The following PIGK variants were observed in gnomAD, a reference collection of about 807,000 sequenced individuals.
PIGK encodes the protein phosphatidylinositol glycan anchor biosynthesis class K.
Under a neutral mutation model 50.6 loss-of-function variants are expected in PIGK, and 42 were observed. The observed-to-expected ratio is 0.83, with a 90% confidence interval of 0.65 to 1.07. The LOEUF (loss-of-function observed/expected upper bound fraction) is 1.07. Among genes scored for constraint, PIGK ranks in the 50% least tolerant of loss-of-function variants. The pLI is 0.00. For synonymous variants in PIGK, 151 were observed against 156.0 expected, an observed-to-expected ratio of 0.97 and a Z score of 0.24; for missense variants, 448 against 488.7, an observed-to-expected ratio of 0.92 and a Z score of 0.78.
chr1:77,175,164 T>A (rs1198506718), intron 3 of PIGK, among the ~76,000 whole-genome samples: 1 of 152,214 alleles, frequency 6.6e-6, no homozygotes, highest in African/African-American at 2.4e-5. Context: ...GCTAAATGCT[T>A]TAAGGTCATA....
intron 3 of PIGK, among the ~76,000 whole-genome samples, chr1:77,181,185 T>G (rs79542389): frequency 0.041 from 6,311 of 152,190 alleles, 195 homozygotes; most frequent in Non-Finnish European, 0.054. Context: ...AATTTCCCAT[T>G]ATTATGTTGC....
At chr1:77,185,356 C>G (rs1247437109) in intron 3 of PIGK, among the ~76,000 whole-genome samples, 1 of 152,170 alleles carries the variant, frequency 6.6e-6, no homozygotes, top group Non-Finnish European at 1.5e-5. Context: ...ATCCAGTGAG[C>G]AAGAACTGGC....
At position 77,189,445 on chromosome 1, in the gene PIGK, A is replaced by G. The variant is rs12143371; in HGVS notation, c.239+17195T>C. 3.7e-3 allele frequency among the ~76,000 whole-genome samples: 567 copies of G among 152,124 alleles called. 5 individuals carry two copies. The highest frequency in any genetic ancestry group is 0.013 in the African/African-American group (537 of 41,482). ...TCAGTGGGCTAGGAAAGGCAGACCC[A>G]CCTTTAACCTGGGTTAGTACCATCT... On this transcript the variant is annotated intron_variant, in intron 3 of 10. Transcript: ENST00000370812.
chr1:77,148,629 G>A (rs1304379968), intron 9 of PIGK, among the ~76,000 whole-genome samples: 1 of 151,882 alleles, frequency 6.6e-6, no homozygotes, highest in Non-Finnish European at 1.5e-5. Context: ...CGGGGGAGAG[G>A]GAGTTAATGT....
intron 9 of PIGK, among the ~76,000 whole-genome samples, chr1:77,149,384 C>T (rs1052945077): frequency 5.9e-5 from 9 of 151,398 alleles, no homozygotes; most frequent in Admixed American, 4.6e-4. Flanking sequence ...AAGATACAGA[C>T]AAAAAATGAA....
At chr1:77,094,773 T>C (rs914278479) in intron 10 of PIGK, among the ~76,000 whole-genome samples, 1 of 152,158 alleles carries the variant, frequency 6.6e-6, no homozygotes, top group Admixed American at 6.5e-5. Context: ...TTTTGACCCA[T>C]TATTCCACAG....
intron 9 of PIGK, among the ~76,000 whole-genome samples, chr1:77,135,229 C>A (rs1174213830): frequency 6.6e-6 from 1 of 151,814 alleles, no homozygotes; most frequent in Non-Finnish European, 1.5e-5. Flanking sequence ...AACTTATCAA[C>A]CTGTTTTTTA....
chr1:77,183,394 C>T (rs996384052), intron 3 of PIGK, among the ~76,000 whole-genome samples: 2 of 152,250 alleles, frequency 1.3e-5, no homozygotes, highest in South Asian at 2.1e-4. Context: ...GCAACAGTAA[C>T]GGCCTCCCCT....
At chr1:77,217,886 C>G (rs965041684) in intron 1 of PIGK, among the ~76,000 whole-genome samples, 2 of 152,054 alleles carry the variant, frequency 1.3e-5, no homozygotes, top group African/African-American at 4.8e-5. Flanking sequence ...TGAAAAAGCA[C>G]AGCAATTATG....
chr1:77,167,460 C>T (rs1655261675), intron 4 of PIGK, among the ~76,000 whole-genome samples: 1 of 152,204 alleles, frequency 6.6e-6, no homozygotes, highest in African/African-American at 2.4e-5. Context: ...AATTATTTAT[C>T]TGGCTGGGCA....
chr1:77,099,577 A>C (rs1054063004), intron 10 of PIGK, among the ~76,000 whole-genome samples: 1 of 152,202 alleles, frequency 6.6e-6, no homozygotes, highest in African/African-American at 2.4e-5. Flanking sequence ...TAATGTAATA[A>C]AGTGCTTTTT....
chr1:77,214,241 C>T (rs776220866), intron 1 of PIGK, among the ~76,000 whole-genome samples: 1 of 152,116 alleles, frequency 6.6e-6, no homozygotes, highest in African/African-American at 2.4e-5. Flanking sequence ...AAGGAAACTA[C>T]AGGCCAATAC....
intron 10 of PIGK, among the ~76,000 whole-genome samples, chr1:77,116,595 TGCGC>T (rs1291014581): frequency 1.5e-4 from 14 of 92,204 alleles, no homozygotes; most frequent in African/African-American, 6.0e-4. Flanking sequence ...TGTGTGTGTG[TGCGC>T]GTGTGTGTGT....
At chr1:77,153,743 A>G (rs1205265637) in intron 9 of PIGK, 1 of 152,158 alleles carries the variant, frequency 6.6e-6, no homozygotes, top group African/African-American at 2.4e-5. Flanking sequence ...TGAAATTTTG[A>G]AAATTGCTGT....
intron 3 of PIGK, among the ~76,000 whole-genome samples, chr1:77,206,090 T>C (rs1415470841): frequency 6.6e-6 from 1 of 151,950 alleles, no homozygotes; most frequent in Admixed American, 6.6e-5. Flanking sequence ...CAGGAGGCAA[T>C]AGCAACATTA....
At chr1:77,095,284 A>G (rs115267882) in intron 10 of PIGK, among the ~76,000 whole-genome samples, 77 of 152,306 alleles carry the variant, frequency 5.1e-4, no homozygotes, top group African/African-American at 1.7e-3. Flanking sequence ...GAAATCTCTG[A>G]CAGTTTCCCA....
Position 77,161,656 on chromosome 1 carries a change from G to A in PIGK, c.640C>T (p.Arg214Ter), listed in dbSNP as rs1308977095. ...GCCATTATGTTAGGAGAATAAAATC[G>A]TTCATACATGGATGCTCCTTGGCAA... is the stretch of plus-strand genomic sequence containing the variant. ...DTCQGASMYE[R>*]FYSPNIMALA... Residue 214 changes from arginine to a stop codon, truncating the protein, a stop_gained, in exon 7 of 11, where the codon CGA becomes TGA. Coordinates refer to ENST00000370812, the MANE Select transcript of PIGK (RefSeq NM_005482.3). LOFTEE classifies it high-confidence loss of function. The A allele has an allele frequency of 5.7e-6, 9 of 1,590,658 alleles. No individual in the cohort carries two copies. Among genetic ancestry groups the A allele is most frequent in the East Asian group, 2.2e-5 (1 of 44,754 alleles).
chr1:77,166,865 T>C (rs748576274), intron 4 of PIGK, 35 bp from the exon 5 acceptor site: 4 of 967,010 alleles, frequency 4.1e-6, no homozygotes, highest in Non-Finnish European at 6.5e-6. Flanking sequence ...TCAGATGAAA[T>C]AAAACCTGGG....
intron 8 of PIGK, among the ~76,000 whole-genome samples, chr1:77,156,870 T>C (rs542349462): frequency 1.7e-4 from 26 of 152,274 alleles, no homozygotes; most frequent in African/African-American, 6.3e-4. Flanking sequence ...GTAAGATGAA[T>C]ATAACATGGT....
Sources: gnomAD v4.1 joint callset for allele counts (sites outside exome capture counted in the v4.1 genomes callset) on GRCh38, gnomAD v4.1.1 for gene constraint, MANE v1.5 for transcripts, NCBI Gene and HGNC (gene_info 2026-07-23, HGNC 2026-07-21) for gene names.